The following CELF2 variants were observed in gnomAD, a reference collection of about 807,000 sequenced individuals.
CELF2 encodes CUGBP Elav-like family member 2.
CELF2 carries 8 observed loss-of-function variants against 62.6 expected under a neutral mutation model. The observed-to-expected ratio is 0.13, with a 90% CI of 0.07 to 0.23. The LOEUF (loss-of-function observed/expected upper bound fraction) is 0.23. CELF2 is among the 10% of genes least tolerant of loss of function. The probability of loss-of-function intolerance (pLI) is 1.00; values close to 1 mark genes in which losing one functional copy is unlikely to be tolerated. For synonymous variants in CELF2, 258 were observed against 250.0 expected (o/e 1.03, Z -0.30); for missense variants, 333 against 671.0 (o/e 0.50, Z 5.56).
intron 2 of CELF2, among the ~76,000 whole-genome samples, chr10:10,942,158 A>G (rs2047125816): frequency 6.6e-6 from 1 of 152,148 alleles, no homozygotes; most frequent in South Asian, 2.1e-4. Flanking sequence ...CTCTTGGATC[A>G]TGCAAAAGGG....
intron 1 of CELF2, among the ~76,000 whole-genome samples, chr10:11,103,190 C>T (rs958141047): frequency 2.6e-5 from 4 of 152,008 alleles, no homozygotes; most frequent in African/African-American, 9.7e-5. Flanking sequence ...TATCAGAATT[C>T]GAAAAAAATC....
chr10:11,155,197 G>A (rs973345538), intron 1 of CELF2, among the ~76,000 whole-genome samples: 9 of 152,214 alleles, frequency 5.9e-5, no homozygotes, highest in African/African-American at 2.2e-4. Flanking sequence ...GCCTCCTTAA[G>A]CAGAATTTAT....
intron 1 of CELF2, among the ~76,000 whole-genome samples, chr10:11,121,961 A>G (rs1485241883): frequency 6.6e-6 from 1 of 152,182 alleles, no homozygotes; most frequent in Non-Finnish European, 1.5e-5. Flanking sequence ...TATTTTGTCC[A>G]TGTGTGCCAG....
At chr10:10,887,437 G>C (rs925736553) in intron 1 of CELF2, among the ~76,000 whole-genome samples, 1 of 152,150 alleles carries the variant, frequency 6.6e-6, no homozygotes, top group East Asian at 1.9e-4. Context: ...GCGTTTCAGC[G>C]CATATTATTA....
At chr10:10,913,214 A>G (rs2063968023) in intron 1 of CELF2, among the ~76,000 whole-genome samples, 1 of 152,156 alleles carries the variant, frequency 6.6e-6, no homozygotes, top group Non-Finnish European at 1.5e-5. Context: ...ATGAATGACC[A>G]GAGGGAAAAT....
chr10:11,051,361 T>G (rs2063883394), intron 1 of CELF2, among the ~76,000 whole-genome samples: 2 of 152,240 alleles, frequency 1.3e-5, no homozygotes, highest in South Asian at 2.1e-4. Flanking sequence ...AGTTCTCTTT[T>G]GATTATCCAC....
Position 11,328,887 on chromosome 10 carries a change from T to G in CELF2, c.1439-39T>G. Reference sequence around the variant, plus strand: ...CCCCCTTTTCTGTTTTCTGCTGGGCTTCCTCTCCAGGCTGACTCCCTCTCT... The same window carrying G: ...CCCCCTTTTCTGTTTTCTGCTGGGCGTCCTCTCCAGGCTGACTCCCTCTCT... On this transcript the variant is annotated intron_variant, in intron 12 of 12. Coordinates refer to ENST00000633077, the MANE Select transcript of CELF2 (RefSeq NM_001326342.2). The surrounding 1 kb of genome is among the most constrained non-coding windows in gnomAD (Gnocchi z 6.4). 2 of 1,588,104 alleles carry G rather than the reference T, an allele frequency of 1.3e-6. No homozygotes were observed. The highest frequency in any genetic ancestry group is 1.1e-5 in the South Asian group (1 of 89,180).
In CELF2 at chr10:10,878,588, C is replaced by T. The variant is rs17149020; in HGVS notation, c.54-41376C>T. 7.2e-3 allele frequency among the ~76,000 whole-genome samples: 1,094 copies of T among 152,228 alleles called. 11 individuals are homozygous for T. The highest frequency in any genetic ancestry group is 0.022 in the African/African-American group (926 of 41,530). Reference sequence around the variant, plus strand: ...AAGTGGGCAGGCCTAGACAAGTGGTCGTACAAATACCCTCCACTTCAGCCT... The same window carrying T: ...AAGTGGGCAGGCCTAGACAAGTGGTTGTACAAATACCCTCCACTTCAGCCT... On this transcript the variant is annotated intron_variant, in intron 1 of 13. Coordinates refer to the CELF2 transcript ENST00000636488.
chr10:10,865,626 T>G (rs147580249), intron 1 of CELF2, among the ~76,000 whole-genome samples: 56 of 152,304 alleles, frequency 3.7e-4, no homozygotes, highest in African/African-American at 1.2e-3. Flanking sequence ...TCAGATTTGC[T>G]CTGCCTAGCA....
At chr10:10,562,648 C>A in the CELF2 span, among the ~76,000 whole-genome samples, 1 of 152,182 alleles carries the variant, frequency 6.6e-6, no homozygotes, top group Non-Finnish European at 1.5e-5. Flanking sequence ...AAGGAAGGTT[C>A]TCATTCCTGA....
the CELF2 span, among the ~76,000 whole-genome samples, chr10:10,546,031 C>A: frequency 2.0e-5 from 3 of 152,040 alleles, no homozygotes; most frequent in African/African-American, 7.3e-5. Context: ...TGTGCTAAAC[C>A]CCTCAGGATA....
At chr10:10,816,326 TG>T (rs2056460635) in intron 1 of CELF2, among the ~76,000 whole-genome samples, 1 of 152,232 alleles carries the variant, frequency 6.6e-6, no homozygotes, top group Admixed American at 6.5e-5. Flanking sequence ...GGTAATTTTG[TG>T]TTATAGGGTG....
chr10:10,693,519 G>A, the CELF2 span, among the ~76,000 whole-genome samples: 2 of 151,730 alleles, frequency 1.3e-5, no homozygotes, highest in Non-Finnish European at 2.9e-5. Flanking sequence ...AATGATGCTG[G>A]CCTCATAAAA....
the CELF2 span, among the ~76,000 whole-genome samples, chr10:10,596,688 A>T: frequency 6.6e-6 from 1 of 152,224 alleles, no homozygotes. Context: ...GGGCCCAGGC[A>T]TTTGTCCTCT....
chr10:10,868,189 T>C (rs1408674472), intron 1 of CELF2, among the ~76,000 whole-genome samples: 2 of 152,226 alleles, frequency 1.3e-5, no homozygotes, highest in African/African-American at 2.4e-5. Flanking sequence ...GTTCTGTGCA[T>C]TGACTGGGCT....
intron 3 of CELF2, among the ~76,000 whole-genome samples, chr10:11,248,344 G>A (rs1185292688): frequency 2.0e-5 from 3 of 152,112 alleles, no homozygotes; most frequent in Admixed American, 2.0e-4. Flanking sequence ...TGTAGCTCAG[G>A]ACCTCGGCCC....
At chr10:11,099,372 A>T (rs181208482) in intron 1 of CELF2, among the ~76,000 whole-genome samples, 1 of 152,368 alleles carries the variant, frequency 6.6e-6, no homozygotes, top group Non-Finnish European at 1.5e-5. Flanking sequence ...AACATTTTTG[A>T]AGGAGAAAAA....
rs561657673 is a variant in CELF2, at chr10:11,018,024, C to A, written c.-66C>A. The A allele has an allele frequency of 2.7e-5, 29 of 1,084,764 alleles. 1 individual carries two copies. In the South Asian group the frequency reaches 9.6e-4, roughly 36 times the overall value. 67.2% of individuals were successfully genotyped at this position (1,084,764 alleles called of 1,614,324 possible). A position where few individuals can be genotyped will look rare whatever the true frequency, so the allele number is the denominator to read the frequency against. On this transcript the variant is annotated 5_prime_UTR_variant, in exon 1 of 13. Transcript: ENST00000633077. ...GCACCTGTCCCTGCCCGTCTCGCGC[C>A]GCCCGCGGCCGCTCGGACGCGCGCA...
intron 1 of CELF2, among the ~76,000 whole-genome samples, chr10:10,807,867 T>A (rs1189306449): frequency 1.3e-5 from 2 of 152,194 alleles, no homozygotes; most frequent in African/African-American, 4.8e-5. Context: ...ATGGAAAACC[T>A]GACTCAGTTC....
Sources: allele counts gnomAD v4.1 joint callset (sites outside exome capture counted in the v4.1 genomes callset), GRCh38; gene constraint gnomAD v4.1.1; non-coding constraint Gnocchi (gnomAD v3.1); transcripts MANE v1.5; gene names NCBI Gene and HGNC (gene_info 2026-07-23, HGNC 2026-07-21).